PCLO: variants seen among roughly 807,000 people sequenced by gnomAD.
PCLO encodes the protein piccolo presynaptic cytomatrix protein, also known as protein piccolo.
In PCLO, 82 loss-of-function variants were observed where a neutral mutation model predicts 427.5. The observed-to-expected ratio is 0.19, with a 90% CI of 0.16 to 0.23. PCLO has a LOEUF of 0.23. PCLO is among the 10% of genes least tolerant of loss of function. The pLI is 1.00. For synonymous variants in PCLO, 2,357 were observed against 2,155.4 expected (o/e 1.09, Z -2.59); for missense variants, 6,239 against 6,115.9 (o/e 1.02, Z -0.67).
chr7:83,028,923 G>A (rs1016382470), intron 3 of PCLO, among the ~76,000 whole-genome samples: 2 of 151,880 alleles, frequency 1.3e-5, no homozygotes, highest in Non-Finnish European at 2.9e-5. Context: ...AGCTGAAACT[G>A]GATCCCTTCC....
At chr7:83,100,195 C>T (rs996988436) in intron 3 of PCLO, among the ~76,000 whole-genome samples, 31 of 152,272 alleles carry the variant, frequency 2.0e-4, no homozygotes, top group African/African-American at 7.5e-4. Context: ...AAAAGCAACA[C>T]TTATACACTG....
intron 3 of PCLO, among the ~76,000 whole-genome samples, chr7:83,127,144 G>A (rs1456909750): frequency 6.6e-6 from 1 of 152,054 alleles, no homozygotes; most frequent in Non-Finnish European, 1.5e-5. Flanking sequence ...GAGAATGTCT[G>A]TAAGTACTGT....
In PCLO at chr7:82,847,301, T is replaced by C; in HGVS notation, c.13655-54A>G. The C allele has an allele frequency of 3.1e-6, 3 of 961,112 alleles. No individual in the cohort carries two copies. The East Asian group carries it at 7.7e-5, about 25-fold the overall frequency. 59.5% of individuals were successfully genotyped at this position (961,112 alleles called of 1,614,324 possible). On this transcript the variant is annotated intron_variant, in intron 10 of 24. Transcript: ENST00000333891. ...AAACGTGTGCTATCTCTAGTCTGGGTACATATGGCATTGAAGACATTTATT... is the reference window on the plus strand; with the variant it reads ...AAACGTGTGCTATCTCTAGTCTGGGCACATATGGCATTGAAGACATTTATT...
intron 10 of PCLO, among the ~76,000 whole-genome samples, chr7:82,877,150 T>C (rs2116029908): frequency 6.6e-6 from 1 of 152,250 alleles, no homozygotes; most frequent in African/African-American, 2.4e-5. Flanking sequence ...TTTTTAAAAT[T>C]AAACTTATGA....
rs138512235 is a variant in PCLO, at chr7:83,145,162, G to A, written c.1894-9506C>T. On this transcript the variant is annotated intron_variant, in intron 2 of 24. Coordinates refer to ENST00000333891, the MANE Select transcript of PCLO (RefSeq NM_033026.6). Reference sequence around the variant, plus strand: ...TGGATTCTATTTCTGACAGTGGCCCGTCAAAGTTATGACCTTCATCATCTC... The same window carrying A: ...TGGATTCTATTTCTGACAGTGGCCCATCAAAGTTATGACCTTCATCATCTC... Among the ~76,000 whole-genome samples the A allele has an allele frequency of 4.1e-4, 62 of 152,144 alleles. 1 individual carries two copies. In the Middle Eastern group the frequency reaches 0.01, roughly 25 times the overall value.
intron 3 of PCLO, among the ~76,000 whole-genome samples, chr7:83,037,992 T>TATATATATATATATATAC (rs1788839795): frequency 5.8e-5 from 1 of 17,126 alleles, no homozygotes; most frequent in Non-Finnish European, 8.8e-5. Flanking sequence ...GAGGAGCTTA[T>TATATATATATATATATAC]ATATATATAT....
At chr7:83,157,509 A>AT in intron 1 of PCLO, among the ~76,000 whole-genome samples, 1 of 152,094 alleles carries the variant, frequency 6.6e-6, no homozygotes, top group East Asian at 1.9e-4. Context: ...GCATAGACAA[A>AT]TATACAAGAC....
rs537101640 is a variant in PCLO, at chr7:82,781,922, G to A, written c.15007+19596C>T. ...CCCAGGGTGGGCATGGAAGCTTCTC[G>A]CCCCTTCCCCCATACCTTGCCCTGC... On this transcript the variant is annotated intron_variant, in intron 22 of 24. Coordinates refer to ENST00000333891, the MANE Select transcript of PCLO (RefSeq NM_033026.6). Among the ~76,000 whole-genome samples the A allele has an allele frequency of 2.6e-5, 4 of 152,238 alleles. No homozygotes were observed. The South Asian group carries it at 6.2e-4, about 24-fold the overall frequency.
intron 9 of PCLO, among the ~76,000 whole-genome samples, chr7:82,892,493 T>A (rs1793793679): frequency 6.6e-6 from 1 of 151,954 alleles, no homozygotes; most frequent in Non-Finnish European, 1.5e-5. Flanking sequence ...AACCTAGGCA[T>A]TACCATTCAG....
intron 24 of PCLO, among the ~76,000 whole-genome samples, 162 bp downstream of exon 24, chr7:82,760,477 T>C (rs1436724530): frequency 6.6e-6 from 1 of 151,982 alleles, no homozygotes; most frequent in Non-Finnish European, 1.5e-5. Flanking sequence ...GTGAGTGGGC[T>C]GTGGAATTCT....
chr7:82,966,152 CT>C lies in PCLO; in HGVS notation c.3635del (p.Lys1212SerfsTer9). On this transcript the variant is annotated frameshift_variant, in exon 4 of 25. Coordinates refer to ENST00000333891, the MANE Select transcript of PCLO (RefSeq NM_033026.6). LOFTEE classifies it high-confidence loss of function. ...KDKASALQEK[K>X]PLPEEKKLIP... ...TTAGTTTTTTTTCTTCAGGGAGTGGCTTTTTTTCTTGAAGAGCTGAAGCTTT... is the reference window on the plus strand; with the variant it reads ...TTAGTTTTTTTTCTTCAGGGAGTGGCTTTTTTCTTGAAGAGCTGAAGCTTT... 1 of 1,603,618 alleles carries C rather than the reference CT, an allele frequency of 6.2e-7. No homozygotes were observed.
chr7:82,902,805 A>C lies in PCLO; in HGVS notation c.13438-64T>G, dbSNP rs571173590. The stretch of plus-strand genomic sequence containing the variant: ...AAGACACTTAAAGTGCAATATACAT[A>C]ATTAGAATGGTTCATTTCAAAGCAC... On this transcript the variant is annotated intron_variant, in intron 8 of 24. Coordinates refer to ENST00000333891, the MANE Select transcript of PCLO (RefSeq NM_033026.6). 7 of 777,662 alleles carry C rather than the reference A, an allele frequency of 9.0e-6. No individual in the cohort carries two copies. In the African/African-American group the frequency reaches 1.2e-4, roughly 13 times the overall value. The allele number at this position is 777,662 out of a possible 1,614,324, so 48.2% of individuals were successfully genotyped here.
intron 9 of PCLO, among the ~76,000 whole-genome samples, chr7:82,897,691 CAAAT>C (rs1307612923): frequency 4.6e-5 from 7 of 151,324 alleles, no homozygotes; most frequent in South Asian, 2.1e-4. Context: ...CCATGGATGA[CAAAT>C]GAATGATCAT....
At chr7:82,796,887 A>G (rs1013418555) in intron 22 of PCLO, among the ~76,000 whole-genome samples, 2 of 150,708 alleles carry the variant, frequency 1.3e-5, no homozygotes, top group Non-Finnish European at 2.9e-5. Context: ...AAGTTTTAAT[A>G]TAGTGTTTTG....
intron 10 of PCLO, among the ~76,000 whole-genome samples, chr7:82,868,795 A>G (rs1793159202): frequency 6.6e-6 from 1 of 152,176 alleles, no homozygotes; most frequent in African/African-American, 2.4e-5. Flanking sequence ...TTTTAATGTT[A>G]TATTTCTATC....
At chr7:83,064,799 G>T (rs76723012) in intron 3 of PCLO, among the ~76,000 whole-genome samples, 5,656 of 151,938 alleles carry the variant, frequency 0.037, 181 homozygotes, top group East Asian at 0.097. Flanking sequence ...GAACATAGTG[G>T]ACATTCATGC....
intron 6 of PCLO, among the ~76,000 whole-genome samples, chr7:82,940,001 G>A (rs1052926451): frequency 3.3e-5 from 5 of 151,986 alleles, no homozygotes; most frequent in Admixed American, 1.3e-4. Flanking sequence ...TAAAGCCTAT[G>A]GACTTATATT....
intron 3 of PCLO, among the ~76,000 whole-genome samples, chr7:83,062,248 T>C (rs1341650390): frequency 1.3e-5 from 2 of 152,156 alleles, no homozygotes; most frequent in Non-Finnish European, 2.9e-5. Context: ...TATAGAATTA[T>C]GAAGAATCAA....
At chr7:82,985,130 T>A (rs1216357301) in intron 3 of PCLO, among the ~76,000 whole-genome samples, 2 of 151,970 alleles carry the variant, frequency 1.3e-5, no homozygotes, top group Admixed American at 6.6e-5. Flanking sequence ...ACTGACCTGA[T>A]ACATGGCCAT....
Sources: allele counts gnomAD v4.1 joint callset (sites outside exome capture counted in the v4.1 genomes callset), GRCh38; gene constraint gnomAD v4.1.1; transcripts MANE v1.5; gene names NCBI Gene and HGNC (gene_info 2026-07-23, HGNC 2026-07-21).